The following TRPC7 variants were observed in gnomAD, a reference collection of about 807,000 sequenced individuals.
TRPC7 encodes the protein transient receptor potential cation channel subfamily C member 7.
TRPC7 carries 42 observed loss-of-function variants against 90.1 expected under a neutral mutation model. The ratio of observed to expected loss-of-function variants is 0.47; its 90% CI spans 0.36 to 0.60. TRPC7 has a LOEUF of 0.60. Among genes scored for constraint, TRPC7 ranks in the 20% least tolerant of loss-of-function variants. The pLI is 0.00. For synonymous variants in TRPC7, 451 were observed against 436.3 expected (o/e 1.03, Z -0.42); for missense variants, 955 against 1,112.3 (o/e 0.86, Z 2.01).
intron 7 of TRPC7, among the ~76,000 whole-genome samples, chr5:136,244,513 A>G (rs942138734): frequency 1.3e-5 from 2 of 152,048 alleles, no homozygotes; most frequent in African/African-American, 4.8e-5. Flanking sequence ...GACTACTTTG[A>G]CTCTGGCTTC....
chr5:136,298,251 C>G (rs1365329224), intron 3 of TRPC7, among the ~76,000 whole-genome samples: 4 of 152,052 alleles, frequency 2.6e-5, no homozygotes, highest in African/African-American at 9.7e-5. Context: ...ATCCAGCCAG[C>G]AGAGACCTGA....
chr5:136,252,675 A>G (rs1756561330), intron 5 of TRPC7, among the ~76,000 whole-genome samples: 2 of 152,086 alleles, frequency 1.3e-5, no homozygotes, highest in Admixed American at 6.5e-5. Context: ...TCCACCTCAG[A>G]TCATCAGCCA....
chr5:136,354,812 T>C (rs1221255829), intron 2 of TRPC7, among the ~76,000 whole-genome samples: 3 of 152,220 alleles, frequency 2.0e-5, no homozygotes, highest in Admixed American at 1.3e-4. Flanking sequence ...TTGAGTCACA[T>C]GGAACTACTC....
intron 10 of TRPC7, among the ~76,000 whole-genome samples, chr5:136,219,966 C>T (rs1002120857): frequency 2.6e-5 from 4 of 152,190 alleles, no homozygotes; most frequent in African/African-American, 4.8e-5. Flanking sequence ...ATGGAGGGAA[C>T]GGCTGGAGCT....
intron 3 of TRPC7, among the ~76,000 whole-genome samples, chr5:136,287,663 A>G (rs1253332445): frequency 8.2e-6 from 1 of 122,542 alleles, no homozygotes; most frequent in African/African-American, 3.1e-5. Flanking sequence ...CACCTGCTAT[A>G]GTGTCAGGGA....
chr5:136,319,435 C>T (rs1421913728), intron 2 of TRPC7, among the ~76,000 whole-genome samples: 2 of 152,132 alleles, frequency 1.3e-5, no homozygotes, highest in Admixed American at 6.6e-5. Flanking sequence ...CCTACTTGCT[C>T]ATCATACAAA....
At chr5:136,295,376 T>A (rs1164319904) in intron 3 of TRPC7, among the ~76,000 whole-genome samples, 1 of 152,166 alleles carries the variant, frequency 6.6e-6, no homozygotes, top group Non-Finnish European at 1.5e-5. Context: ...TACCTGTGGA[T>A]CTGGTGAGAG....
intron 10 of TRPC7, 106 bp from the exon 11 acceptor site, chr5:136,216,381 T>G: frequency 4.7e-6 from 4 of 858,940 alleles, no homozygotes; most frequent in African/African-American, 1.7e-5. Context: ...TCAGCAACCA[T>G]GGCGACCCTC....
intron 2 of TRPC7, among the ~76,000 whole-genome samples, chr5:136,326,465 T>C (rs114007164): frequency 0.018 from 2,726 of 152,282 alleles, 83 homozygotes; most frequent in African/African-American, 0.063. Context: ...AATTTTTTCT[T>C]TCAGTGCAAT....
At position 136,231,474 on chromosome 5, in the gene TRPC7, G is replaced by A. The variant is rs368227716; in HGVS notation, c.1920C>T (p.Tyr640=). ...LSEVISVVLK[Y]DHKFIENIGY... is the part of the protein sequence containing the mutation. ...CAATGTTCTCGATGAATTTGTGGTC[G>A]TATTTCAGCACCACTGAGATTACTT... The change falls in exon 8 of 12, where the codon TAC becomes TAT. Residue 640 remains tyrosine, a synonymous_variant. Coordinates refer to ENST00000513104, the MANE Select transcript of TRPC7 (RefSeq NM_020389.3). 61 of 1,612,336 alleles carry A rather than the reference G, an allele frequency of 3.8e-5. No individual in the cohort carries two copies. Among genetic ancestry groups the A allele is most frequent in the South Asian group, 2.5e-4 (23 of 90,672 alleles).
intron 3 of TRPC7, among the ~76,000 whole-genome samples, chr5:136,301,743 C>G (rs913812000): frequency 6.6e-6 from 1 of 152,204 alleles, no homozygotes; most frequent in Non-Finnish European, 1.5e-5. Context: ...ACTCTCTTTT[C>G]GGACTCAGCC....
At chr5:136,299,308 A>T (rs1758291536) in intron 3 of TRPC7, among the ~76,000 whole-genome samples, 1 of 150,558 alleles carries the variant, frequency 6.6e-6, no homozygotes, top group Admixed American at 6.6e-5. Context: ...CTCAAAAAAA[A>T]AAAAAAGAAA....
intron 2 of TRPC7, among the ~76,000 whole-genome samples, chr5:136,328,151 G>A (rs954978078): frequency 1.3e-5 from 2 of 152,198 alleles, no homozygotes; most frequent in Non-Finnish European, 2.9e-5. Flanking sequence ...CAAGGAAGGT[G>A]GTTCAAGTTT....
At chr5:136,274,089 C>A (rs1205585000) in intron 4 of TRPC7, among the ~76,000 whole-genome samples, 1 of 152,152 alleles carries the variant, frequency 6.6e-6, no homozygotes, top group African/African-American at 2.4e-5. Context: ...AATTAGCTGC[C>A]CATGTGAGCC....
At chr5:136,329,571 A>G (rs1414915363) in intron 2 of TRPC7, among the ~76,000 whole-genome samples, 1 of 152,176 alleles carries the variant, frequency 6.6e-6, no homozygotes, top group Non-Finnish European at 1.5e-5. Flanking sequence ...GTGGCAGGGA[A>G]TGGACATTCC....
At chr5:136,262,734 G>A (rs1425193305) in intron 5 of TRPC7, among the ~76,000 whole-genome samples, 1 of 152,132 alleles carries the variant, frequency 6.6e-6, no homozygotes, top group Admixed American at 6.5e-5. Flanking sequence ...AATATTTTTA[G>A]GCATTGGAAA....
chr5:136,271,796 C>A (rs1223409137), intron 4 of TRPC7, among the ~76,000 whole-genome samples: 1 of 152,202 alleles, frequency 6.6e-6, no homozygotes, highest in Admixed American at 6.5e-5. Flanking sequence ...TCCTCTTCAA[C>A]CAACATATTA....
chr5:136,227,591 T>C (rs755131143), intron 8 of TRPC7, among the ~76,000 whole-genome samples: 4 of 152,176 alleles, frequency 2.6e-5, no homozygotes, highest in Non-Finnish European at 5.9e-5. Flanking sequence ...GGACATCCTA[T>C]AAGGATCTTT....
At chr5:136,324,371 A>AT (rs944078466) in intron 2 of TRPC7, among the ~76,000 whole-genome samples, 1 of 152,132 alleles carries the variant, frequency 6.6e-6, no homozygotes, top group Admixed American at 6.5e-5. Context: ...TTTGTCAACA[A>AT]TTTTTTGCTG....
Sources: gnomAD v4.1 joint callset for allele counts (sites outside exome capture counted in the v4.1 genomes callset) on GRCh38, gnomAD v4.1.1 for gene constraint, MANE v1.5 for transcripts, NCBI Gene and HGNC (gene_info 2026-07-23, HGNC 2026-07-21) for gene names.